The following RFX3 variants were observed in gnomAD, a reference collection of about 807,000 sequenced individuals.
RFX3 encodes the protein regulatory factor X3.
Under a neutral mutation model 98.6 loss-of-function variants are expected in RFX3, and 14 were observed. The ratio of observed to expected loss-of-function variants is 0.14; its 90% CI spans 0.09 to 0.22. The LOEUF is 0.22. RFX3 is among the 10% of genes least tolerant of loss of function. The pLI, the probability that RFX3 is intolerant of heterozygous loss-of-function variation, is 1.00. For synonymous variants in RFX3, 383 were observed against 328.4 expected (o/e 1.17, Z -1.80); for missense variants, 639 against 926.9 (o/e 0.69, Z 4.03).
chr9:3,324,046 C>T (rs560157492), intron 4 of RFX3: 17 of 453,976 alleles, frequency 3.7e-5, no homozygotes, highest in South Asian at 8.2e-5. Flanking sequence ...AGGAAACAGA[C>T]GGTTCATGGT....
intron 13 of RFX3, among the ~76,000 whole-genome samples, chr9:3,262,468 T>C (rs1450151631): frequency 6.6e-6 from 1 of 152,184 alleles, no homozygotes; most frequent in East Asian, 1.9e-4. Flanking sequence ...TTGTTCTTAG[T>C]TCTTTCAAGG....
intron 2 of RFX3, chr9:3,395,009 A>T (rs1840710952): frequency 4.3e-6 from 1 of 231,580 alleles, no homozygotes; most frequent in Non-Finnish European, 7.1e-6. Flanking sequence ...TCAACCACCT[A>T]ATGCAAAGGC....
chr9:3,405,197 G>A (rs746757451), intron 1 of RFX3, among the ~76,000 whole-genome samples: 1 of 151,238 alleles, frequency 6.6e-6, no homozygotes, highest in Non-Finnish European at 1.5e-5. Context: ...GCGTCCCTTT[G>A]AACAGAAAAA....
chr9:3,354,560 A>C (rs568694674), intron 2 of RFX3, among the ~76,000 whole-genome samples: 1 of 152,034 alleles, frequency 6.6e-6, no homozygotes, highest in South Asian at 2.1e-4. Context: ...AAGACAAAAA[A>C]AACAGCTTTA....
At chr9:3,247,209 C>T in intron 15 of RFX3, 2 of 985,598 alleles carry the variant, frequency 2.0e-6, no homozygotes, top group Non-Finnish European at 1.2e-6. Flanking sequence ...CAGTGCTGAA[C>T]CATCTGAGCA....
chr9:3,409,828 A>G (rs2132148090), intron 1 of RFX3, among the ~76,000 whole-genome samples: 1 of 152,274 alleles, frequency 6.6e-6, no homozygotes, highest in East Asian at 1.9e-4. Flanking sequence ...CAGATCATCC[A>G]GTGCAGGCTC....
intron 2 of RFX3, among the ~76,000 whole-genome samples, chr9:3,382,167 G>C (rs1474454009): frequency 2.6e-5 from 4 of 152,122 alleles, no homozygotes; most frequent in African/African-American, 7.2e-5. Context: ...AAGTAGTTGG[G>C]ACTACAGGCA....
At chr9:3,315,223 C>T (rs928200779) in intron 4 of RFX3, among the ~76,000 whole-genome samples, 5 of 152,160 alleles carry the variant, frequency 3.3e-5, no homozygotes, top group African/African-American at 1.2e-4. Flanking sequence ...AAGAAACTCA[C>T]TCAAAACTGC....
intron 1 of RFX3, among the ~76,000 whole-genome samples, chr9:3,518,415 G>T (rs1262637885): frequency 4.6e-5 from 7 of 152,094 alleles, no homozygotes; most frequent in Non-Finnish European, 7.4e-5. Context: ...AACGCAAAGG[G>T]GGTCATATAA....
chr9:3,457,831 T>C (rs1163969464), intron 1 of RFX3, among the ~76,000 whole-genome samples: 1 of 152,110 alleles, frequency 6.6e-6, no homozygotes. Context: ...GAGTAAAGAA[T>C]ACAAAGATGC....
At chr9:3,483,917 C>T (rs1035683971) in intron 1 of RFX3, among the ~76,000 whole-genome samples, 3 of 152,104 alleles carry the variant, frequency 2.0e-5, no homozygotes, top group African/African-American at 7.2e-5. Flanking sequence ...AGTAACGAAA[C>T]AAGTTCACCA....
intron 14 of RFX3, among the ~76,000 whole-genome samples, chr9:3,255,393 A>C (rs755534191): frequency 4.6e-5 from 7 of 152,176 alleles, no homozygotes; most frequent in Non-Finnish European, 8.8e-5. Flanking sequence ...TGGACTCACC[A>C]CTGATGTCCA....
chr9:3,281,388 T>G (rs1417512499), intron 7 of RFX3, among the ~76,000 whole-genome samples: 1 of 151,572 alleles, frequency 6.6e-6, no homozygotes, highest in Non-Finnish European at 1.5e-5. Flanking sequence ...AAAACCTTCC[T>G]GTTGAATCCT....
At chr9:3,229,519 A>T (rs1271838300) in intron 15 of RFX3, among the ~76,000 whole-genome samples, 1 of 152,250 alleles carries the variant, frequency 6.6e-6, no homozygotes, top group East Asian at 1.9e-4. Context: ...AACAATTAAT[A>T]GCCTTCGGCT....
At chr9:3,292,726 A>C (rs1827543943) in intron 6 of RFX3, among the ~76,000 whole-genome samples, 1 of 140,010 alleles carries the variant, frequency 7.1e-6, no homozygotes, top group Non-Finnish European at 1.5e-5. Flanking sequence ...TTCTTTCAAT[A>C]AGAGAATACA....
At chr9:3,375,454 C>T (rs1838355744) in intron 2 of RFX3, among the ~76,000 whole-genome samples, 1 of 152,194 alleles carries the variant, frequency 6.6e-6, no homozygotes, top group South Asian at 2.1e-4. Flanking sequence ...CCATATATTA[C>T]CAGGTTTCTC....
At chr9:3,362,272 A>C (rs559517709) in intron 2 of RFX3, among the ~76,000 whole-genome samples, 5 of 152,224 alleles carry the variant, frequency 3.3e-5, no homozygotes, top group Non-Finnish European at 5.9e-5. Context: ...CTTCCATGTC[A>C]AAGAATGTGA....
rs1174837838 is a variant in RFX3, at chr9:3,270,314, T to C, written c.1357+57A>G. Reference sequence around the variant, plus strand: ...AGATTGCAATGTCACTTCTCAAAACTTCCTGGGTGGAATGTATGAGAACAA... The same window carrying C: ...AGATTGCAATGTCACTTCTCAAAACCTCCTGGGTGGAATGTATGAGAACAA... On this transcript the variant is annotated intron_variant, in intron 11 of 16. Transcript: ENST00000617270. 6 of 1,525,618 alleles carry C rather than the reference T, an allele frequency of 3.9e-6. No individual in the cohort carries two copies. In the Admixed American group the frequency reaches 8.5e-5, roughly 21 times the overall value. 94.5% of individuals were successfully genotyped at this position (1,525,618 alleles called of 1,614,324 possible).
intron 1 of RFX3, among the ~76,000 whole-genome samples, chr9:3,449,362 C>A (rs1012533799): frequency 2.0e-5 from 3 of 152,168 alleles, no homozygotes; most frequent in African/African-American, 7.2e-5. Context: ...AGCTTCTCTG[C>A]CTCACACAGT....
Sources: gnomAD v4.1 joint callset for allele counts (sites outside exome capture counted in the v4.1 genomes callset) on GRCh38, gnomAD v4.1.1 for gene constraint, MANE v1.5 for transcripts, NCBI Gene and HGNC (gene_info 2026-07-23, HGNC 2026-07-21) for gene names.